The following SGSM2 variants were observed in gnomAD, a reference collection of about 807,000 sequenced individuals.
SGSM2 encodes the protein RUN and TBC1 domain containing 1.
A neutral mutation model predicts 126.6 loss-of-function variants in SGSM2; 89 were observed. The observed-to-expected ratio is 0.70, with a 90% CI of 0.59 to 0.84. The LOEUF is 0.84. Among genes scored for constraint, SGSM2 ranks in the 40% least tolerant of loss-of-function variants. The probability of loss-of-function intolerance (pLI) is 0.00; values close to 1 mark genes in which losing one functional copy is unlikely to be tolerated. For missense variants in SGSM2, 1,404 were observed against 1,416.6 expected, an observed-to-expected ratio of 0.99 and a Z score of 0.14; for synonymous variants, 614 against 574.3, an observed-to-expected ratio of 1.07 and a Z score of -0.99.
chr17:2,375,876 G>C lies in SGSM2; in HGVS notation c.2484+1G>C, dbSNP rs767885776. 7.3e-6 allele frequency: 11 copies of C among 1,513,576 alleles called. No individual in the cohort carries two copies. The highest frequency in any genetic ancestry group is 9.6e-6 in the Non-Finnish European group (11 of 1,140,032). 93.8% of individuals were successfully genotyped at this position (1,513,576 alleles called of 1,614,324 possible). The stretch of plus-strand genomic sequence containing the variant: ...GGCTGTGTGTGCGGCTGCCTACACT[G>C]TGCGTACATGCTCCCCAGGCTGTTC... On this transcript the variant is annotated splice_donor_variant, in intron 18 of 23. Transcript: ENST00000268989. LOFTEE classifies it high-confidence loss of function.
chr17:2,360,091 C>G (rs1349960225), intron 2 of SGSM2, among the ~76,000 whole-genome samples: 2 of 152,188 alleles, frequency 1.3e-5, no homozygotes, highest in Non-Finnish European at 2.9e-5. Flanking sequence ...GCCTGTAATC[C>G]CAGCACTTTG....
intron 12 of SGSM2, among the ~76,000 whole-genome samples, chr17:2,368,457 T>C (rs2065697610): frequency 6.6e-6 from 1 of 152,166 alleles, no homozygotes; most frequent in Non-Finnish European, 1.5e-5. Flanking sequence ...TCCCCGCCCC[T>C]GCAGAGGATG....
At chr17:2,340,271 C>T (rs1447026358) in intron 1 of SGSM2, among the ~76,000 whole-genome samples, 1 of 152,062 alleles carries the variant, frequency 6.6e-6, no homozygotes, top group East Asian at 1.9e-4. Context: ...CATGCCACCA[C>T]ACCCAGCTAA....
chr17:2,366,000 T>C (rs1374817026), intron 11 of SGSM2, among the ~76,000 whole-genome samples: 1 of 152,084 alleles, frequency 6.6e-6, no homozygotes, highest in Non-Finnish European at 1.5e-5. Flanking sequence ...TGCCTCAGCC[T>C]CCCAAAGTGC....
In SGSM2 at chr17:2,349,947, T is replaced by C. The variant is rs557680906; in HGVS notation, c.133+6327T>C. 1.0e-3 allele frequency among the ~76,000 whole-genome samples: 153 copies of C among 151,936 alleles called. 1 individual carries two copies. The Middle Eastern group carries it at 0.01, about 10-fold the overall frequency. ...GGACTACAGGCGCCCACCACCACGC[T>C]CGGCTAATTTTTTGTATTTTTAGTA... On this transcript the variant is annotated intron_variant, in intron 2 of 23. Transcript: ENST00000268989.
chr17:2,363,262 C>A lies in SGSM2; in HGVS notation c.672+128C>A. 7.5e-7 allele frequency: 1 copy of A among 1,340,724 alleles called. No homozygotes were observed. The highest frequency in any genetic ancestry group is 1.0e-6 in the Non-Finnish European group (1 of 1,000,436). 83.1% of individuals were successfully genotyped at this position (1,340,724 alleles called of 1,614,324 possible). ...CAAGGTAGCGGCTGCCTCAGAAGAG[C>A]CTTCTCCGCACAATAAAACTTAACA... On this transcript the variant is annotated intron_variant, in intron 6 of 23. Coordinates refer to ENST00000268989, the MANE Select transcript of SGSM2 (RefSeq NM_014853.3). This position sits in a 1 kb window ranked among gnomAD's most constrained non-coding sequence, Gnocchi z 4.2.
At chr17:2,379,285 T>G (rs1597403315) in intron 23 of SGSM2, 82 bp downstream of exon 23, 1 of 1,570,988 alleles carries the variant, frequency 6.4e-7, no homozygotes, top group Non-Finnish European at 8.7e-7. Flanking sequence ...AGCTGGAGGG[T>G]TCTCAGGAAT....
chr17:2,378,993 A>G, intron 22 of SGSM2, 43 bp from the exon 23 acceptor site: 1 of 1,584,926 alleles, frequency 6.3e-7, no homozygotes, highest in Non-Finnish European at 8.6e-7. Context: ...AGCCCCAGAT[A>G]TGCGGCTAGG....
chr17:2,371,054 A>C (rs892713153), intron 12 of SGSM2, among the ~76,000 whole-genome samples: 3 of 152,172 alleles, frequency 2.0e-5, no homozygotes, highest in African/African-American at 7.2e-5. Flanking sequence ...GCCCCTCTCC[A>C]GGCTTGCTGG....
chr17:2,344,905 G>C (rs1428354690), intron 2 of SGSM2, among the ~76,000 whole-genome samples: 1 of 152,170 alleles, frequency 6.6e-6, no homozygotes, highest in Non-Finnish European at 1.5e-5. Flanking sequence ...GAGATGATGT[G>C]TGTAAATGTT....
At chr17:2,340,794 C>T (rs779334391) in intron 1 of SGSM2, among the ~76,000 whole-genome samples, 7 of 152,060 alleles carry the variant, frequency 4.6e-5, no homozygotes, top group Admixed American at 1.3e-4. Context: ...CCATGTTAGC[C>T]AGGATGGTCT....
At position 2,373,320 on chromosome 17, in the gene SGSM2, T is replaced by C. The variant is rs1253270816; in HGVS notation, c.1918-11T>C. 6.2e-7 allele frequency: 1 copy of C among 1,609,108 alleles called. No individual in the cohort carries two copies. The highest frequency in any genetic ancestry group is 2.2e-5 in the East Asian group (1 of 44,716). ...CGCTTCCCCCATGGTCGTGGTGTGG[T>C]CTGAGTACAGGTGGACGCAGTGGTG... On this transcript the variant is annotated splice_polypyrimidine_tract_variant and intron_variant, in intron 16 of 23. Coordinates refer to ENST00000268989, the MANE Select transcript of SGSM2 (RefSeq NM_014853.3).
In SGSM2 at chr17:2,373,425, C is replaced by T; in HGVS notation, c.2012C>T (p.Pro671Leu). ...VVRQREREAH[P>L]ATRTKFSSGS... ...AGGCAGCGGGAGCGGGAGGCCCACCCAGCCACACGCACCAAGTTCTCCTCA... is the reference window on the plus strand; with the variant it reads ...AGGCAGCGGGAGCGGGAGGCCCACCTAGCCACACGCACCAAGTTCTCCTCA... Residue 671 changes from proline (P) to leucine (L), a missense_variant, in exon 17 of 24, where the codon CCA (proline) becomes CTA (leucine). Pro to Leu is a moderately conservative substitution (Grantham distance 98). Transcript: ENST00000268989. 4 of 1,611,618 alleles carry T rather than the reference C, an allele frequency of 2.5e-6. No homozygotes were observed. The highest frequency in any genetic ancestry group is 3.4e-6 in the Non-Finnish European group (4 of 1,179,970).
intron 3 of SGSM2, 119 bp from the exon 4 acceptor site, chr17:2,361,990 C>T: frequency 1.4e-6 from 2 of 1,391,306 alleles, no homozygotes; most frequent in Non-Finnish European, 1.9e-6. Context: ...CCTTCACCTC[C>T]CAACCCCAGT....
intron 1 of SGSM2, among the ~76,000 whole-genome samples, chr17:2,338,991 G>A (rs1248500312): frequency 6.6e-6 from 1 of 151,720 alleles, no homozygotes; most frequent in Non-Finnish European, 1.5e-5. Flanking sequence ...CCTGGGAGGT[G>A]GAGATTGCAG....
At chr17:2,353,276 G>A (rs2064951364) in intron 2 of SGSM2, among the ~76,000 whole-genome samples, 1 of 152,078 alleles carries the variant, frequency 6.6e-6, no homozygotes, top group South Asian at 2.1e-4. Context: ...GTTGAGGGAG[G>A]AGGTGAAACG....
At chr17:2,360,908 G>A (rs1035383704) in intron 2 of SGSM2, among the ~76,000 whole-genome samples, 4 of 152,136 alleles carry the variant, frequency 2.6e-5, no homozygotes, top group African/African-American at 9.7e-5. Flanking sequence ...CTCCTCACCT[G>A]TAAAACTGTT....
At position 2,362,763 on chromosome 17, in the gene SGSM2, TC is replaced by T; in HGVS notation, c.459-72del. The T allele has an allele frequency of 6.9e-7, 1 of 1,447,076 alleles. No homozygotes were observed. Among genetic ancestry groups the T allele is most frequent in the Non-Finnish European group, 9.7e-7 (1 of 1,033,720 alleles). The allele number at this position is 1,447,076 out of a possible 1,614,324, so 89.6% of individuals were successfully genotyped here. A position where few individuals can be genotyped will look rare whatever the true frequency, so the allele number is the denominator to read the frequency against. On this transcript the variant is annotated intron_variant, in intron 4 of 23. Transcript: ENST00000268989. The surrounding 1 kb of genome is among the most constrained non-coding windows in gnomAD (Gnocchi z 4.9). Reference sequence around the variant, plus strand: ...TCTGAATCTGGTCTTTGTGGGGATGTCCCTACCTGGTGAGCTTGACTGCCCT... The same window carrying T: ...TCTGAATCTGGTCTTTGTGGGGATGTCCTACCTGGTGAGCTTGACTGCCCT...
intron 1 of SGSM2, among the ~76,000 whole-genome samples, chr17:2,343,139 T>C (rs1190829364): frequency 2.6e-5 from 4 of 151,944 alleles, no homozygotes; most frequent in African/African-American, 7.3e-5. Flanking sequence ...CCTTGGAGAA[T>C]AGGGAGAAAA....
Sources: allele counts gnomAD v4.1 joint callset (sites outside exome capture counted in the v4.1 genomes callset), GRCh38; gene constraint gnomAD v4.1.1; non-coding constraint Gnocchi (gnomAD v3.1); transcripts MANE v1.5; gene names NCBI Gene and HGNC (gene_info 2026-07-23, HGNC 2026-07-21).